SDC2: variants seen among roughly 807,000 people sequenced by gnomAD.
The protein encoded by SDC2 is syndecan-2.
Under a neutral mutation model 22.2 loss-of-function variants are expected in SDC2, and 13 were observed. The ratio of observed to expected loss-of-function variants is 0.59; its 90% CI spans 0.38 to 0.93. The LOEUF is 0.93. Ranked by LOEUF, SDC2 falls within the 40% of genes least tolerant of loss-of-function variation. SDC2 has a pLI of 0.00. For missense variants in SDC2, 235 were observed against 246.8 expected, an observed-to-expected ratio of 0.95 and a Z score of 0.32; for synonymous variants, 94 against 92.8, an observed-to-expected ratio of 1.01 and a Z score of -0.07.
intron 1 of SDC2, among the ~76,000 whole-genome samples, chr8:96,591,115 C>T (rs1814774070): frequency 6.6e-6 from 1 of 152,156 alleles, no homozygotes; most frequent in South Asian, 2.1e-4. Context: ...TGTGTTAGTC[C>T]AGACAACTGG....
chr8:96,520,970 G>A (rs950424252), intron 1 of SDC2, among the ~76,000 whole-genome samples: 2 of 152,114 alleles, frequency 1.3e-5, no homozygotes, highest in African/African-American at 4.8e-5. Flanking sequence ...GGAAGGAAAC[G>A]GATTGTAGAA....
chr8:96,606,907 G>A (rs747680187), intron 3 of SDC2, among the ~76,000 whole-genome samples: 4 of 152,158 alleles, frequency 2.6e-5, no homozygotes, highest in African/African-American at 7.2e-5. Flanking sequence ...TTCCCCACCC[G>A]CTTCTGGGGC....
At chr8:96,602,720 T>C (rs1278362763) in intron 3 of SDC2, among the ~76,000 whole-genome samples, 192 bp downstream of exon 3, 1 of 152,234 alleles carries the variant, frequency 6.6e-6, no homozygotes, top group Non-Finnish European at 1.5e-5. Flanking sequence ...CAGGTGGTGT[T>C]ATAAATGGCT....
At chr8:96,582,282 C>T (rs1814600970) in intron 1 of SDC2, among the ~76,000 whole-genome samples, 1 of 151,820 alleles carries the variant, frequency 6.6e-6, no homozygotes, top group Non-Finnish European at 1.5e-5. Context: ...GGCTATGAGT[C>T]TTGGGCAGAA....
intron 1 of SDC2, among the ~76,000 whole-genome samples, chr8:96,548,279 A>G (rs1813968528): frequency 2.0e-5 from 3 of 152,206 alleles, no homozygotes; most frequent in Admixed American, 2.0e-4. Context: ...TCTCTGTACA[A>G]TTTTGATTAG....
At chr8:96,596,700 C>T (rs1054697236) in intron 2 of SDC2, among the ~76,000 whole-genome samples, 5 of 152,154 alleles carry the variant, frequency 3.3e-5, no homozygotes, top group African/African-American at 7.2e-5. Flanking sequence ...GATGGCAGAT[C>T]GAACACTACT....
At chr8:96,606,468 C>CA (rs1815082128) in intron 3 of SDC2, among the ~76,000 whole-genome samples, 1 of 152,148 alleles carries the variant, frequency 6.6e-6, no homozygotes, top group Non-Finnish European at 1.5e-5. Context: ...CTTCTCTAAT[C>CA]CACTGGTTCT....
chr8:96,504,584 T>C (rs1435416861), intron 1 of SDC2, among the ~76,000 whole-genome samples: 1 of 152,214 alleles, frequency 6.6e-6, no homozygotes. Context: ...ATGACTAAAA[T>C]CTTCTAACAC....
intron 1 of SDC2, among the ~76,000 whole-genome samples, chr8:96,548,988 C>T (rs1813981522): frequency 6.6e-6 from 1 of 152,174 alleles, no homozygotes; most frequent in Admixed American, 6.5e-5. Context: ...GATTTTGCAG[C>T]ATAATGTTGT....
At chr8:96,534,972 C>T (rs1213365218) in intron 1 of SDC2, among the ~76,000 whole-genome samples, 1 of 151,944 alleles carries the variant, frequency 6.6e-6, no homozygotes, top group Non-Finnish European at 1.5e-5. Context: ...ATTGGGCACC[C>T]AGTTAAGATG....
chr8:96,543,098 A>G (rs1212376986), intron 1 of SDC2, among the ~76,000 whole-genome samples: 1 of 152,228 alleles, frequency 6.6e-6, no homozygotes, highest in Non-Finnish European at 1.5e-5. Flanking sequence ...TGGCTTTTAA[A>G]TGATAAGCTA....
At chr8:96,563,411 CCTAA>C (rs777488254) in intron 1 of SDC2, among the ~76,000 whole-genome samples, 4 of 152,204 alleles carry the variant, frequency 2.6e-5, no homozygotes, top group Non-Finnish European at 5.9e-5. Context: ...CTCTTTGCTA[CCTAA>C]CTAAGCTGAG....
chr8:96,503,619 G>A (rs1813198108), intron 1 of SDC2, among the ~76,000 whole-genome samples: 1 of 152,168 alleles, frequency 6.6e-6, no homozygotes, highest in African/African-American at 2.4e-5. Context: ...TATCATTGTT[G>A]TGATGTTTAC....
intron 1 of SDC2, among the ~76,000 whole-genome samples, chr8:96,510,376 G>A (rs929699166): frequency 2.0e-5 from 3 of 152,150 alleles, no homozygotes; most frequent in Non-Finnish European, 4.4e-5. Flanking sequence ...AGGCTGTCTT[G>A]TGAGCAAGAC....
intron 1 of SDC2, among the ~76,000 whole-genome samples, chr8:96,544,765 A>G (rs1385777425): frequency 6.6e-6 from 1 of 152,144 alleles, no homozygotes; most frequent in African/African-American, 2.4e-5. Context: ...ACATGGTTAC[A>G]CCCACTCATA....
chr8:96,609,328 C>A, intron 4 of SDC2, 57 bp from the exon 5 acceptor site: 1 of 1,376,260 alleles, frequency 7.3e-7, no homozygotes, highest in South Asian at 1.5e-5. Context: ...GACAATAAAG[C>A]TAATGTCTGC....
intron 1 of SDC2, among the ~76,000 whole-genome samples, chr8:96,579,189 G>A (rs1371690829): frequency 1.3e-5 from 2 of 152,112 alleles, no homozygotes; most frequent in African/African-American, 4.8e-5. Context: ...TTCTGTATTC[G>A]TTTTATGTAT....
intron 1 of SDC2, among the ~76,000 whole-genome samples, chr8:96,547,059 T>G (rs1478631833): frequency 6.6e-6 from 1 of 152,212 alleles, no homozygotes; most frequent in Non-Finnish European, 1.5e-5. Flanking sequence ...TGTGACAATT[T>G]TTTAAAAGCC....
chr8:96,534,940 A>G (rs968007136), intron 1 of SDC2, among the ~76,000 whole-genome samples: 4 of 152,032 alleles, frequency 2.6e-5, no homozygotes, highest in African/African-American at 9.7e-5. Flanking sequence ...CTTCTATCAC[A>G]AATAGGGTTG....
Sources: allele counts gnomAD v4.1 joint callset (sites outside exome capture counted in the v4.1 genomes callset), GRCh38; gene constraint gnomAD v4.1.1; transcripts MANE v1.5; gene names NCBI Gene and HGNC (gene_info 2026-07-23, HGNC 2026-07-21).